Variants in SPAG16 observed in about 807,000 individuals in gnomAD.
SPAG16 encodes sperm associated antigen 16.
SPAG16 carries 86 observed loss-of-function variants against 80.4 expected under a neutral mutation model. That is an observed-to-expected ratio of 1.07 (90% CI 0.90 to 1.28). SPAG16 has a LOEUF of 1.28. SPAG16 is among the 50% of genes most tolerant of loss of function. SPAG16 has a pLI of 0.00. For synonymous variants in SPAG16, 294 were observed against 265.9 expected (o/e 1.11, Z -1.03); for missense variants, 870 against 765.3 (o/e 1.14, Z -1.61).
At chr2:213,724,041 C>T (rs193112062) in intron 10 of SPAG16, among the ~76,000 whole-genome samples, 3 of 152,256 alleles carry the variant, frequency 2.0e-5, no homozygotes, top group East Asian at 1.9e-4. Flanking sequence ...CTCCCCAGAC[C>T]CATTAAATTT....
chr2:214,023,136 T>C (rs1480065106), intron 13 of SPAG16, among the ~76,000 whole-genome samples: 2 of 151,998 alleles, frequency 1.3e-5, no homozygotes, highest in African/African-American at 2.4e-5. Flanking sequence ...TCTCTGGGTA[T>C]CTCTGTAGCT....
At chr2:213,869,108 C>T (rs1356756635) in intron 11 of SPAG16, among the ~76,000 whole-genome samples, 2 of 150,968 alleles carry the variant, frequency 1.3e-5, no homozygotes, top group Non-Finnish European at 3.0e-5. Flanking sequence ...CAAAAATTAG[C>T]CGGGTGTAGT....
intron 8 of SPAG16, among the ~76,000 whole-genome samples, chr2:213,366,832 CA>C (rs1178689032): frequency 3.3e-5 from 5 of 151,924 alleles, no homozygotes; most frequent in Admixed American, 2.6e-4. Context: ...TACAGGTGCA[CA>C]ACATACAGGT....
chr2:214,293,015 T>G (rs1297994826), intron 15 of SPAG16, among the ~76,000 whole-genome samples: 1 of 152,210 alleles, frequency 6.6e-6, no homozygotes, highest in Non-Finnish European at 1.5e-5. Context: ...GGATGCTGGA[T>G]AGTCCAGTCT....
chr2:213,727,425 C>G (rs1210466800), intron 10 of SPAG16, among the ~76,000 whole-genome samples: 1 of 151,856 alleles, frequency 6.6e-6, no homozygotes, highest in Non-Finnish European at 1.5e-5. Flanking sequence ...GGTTTGAGTG[C>G]TTGATATCAA....
At chr2:214,393,199 C>T (rs963560889) in intron 15 of SPAG16, among the ~76,000 whole-genome samples, 3 of 152,144 alleles carry the variant, frequency 2.0e-5, no homozygotes, top group Admixed American at 6.5e-5. Flanking sequence ...TTAGATTAAA[C>T]ATATTTTCGT....
chr2:213,997,208 T>G (rs1211765479), intron 12 of SPAG16, among the ~76,000 whole-genome samples: 1 of 152,212 alleles, frequency 6.6e-6, no homozygotes, highest in Non-Finnish European at 1.5e-5. Flanking sequence ...CCTTTGCTTA[T>G]AGTTGTTATA....
At chr2:214,018,419 T>A (rs1053324320) in intron 13 of SPAG16, among the ~76,000 whole-genome samples, 1 of 152,160 alleles carries the variant, frequency 6.6e-6, no homozygotes. Context: ...CAAGTTAAAA[T>A]AAATTTACAT....
chr2:213,991,778 C>A (rs958847155), intron 12 of SPAG16, among the ~76,000 whole-genome samples: 1 of 152,132 alleles, frequency 6.6e-6, no homozygotes, highest in Non-Finnish European at 1.5e-5. Context: ...ACACACTGAG[C>A]TGTAAGAAGA....
intron 10 of SPAG16, among the ~76,000 whole-genome samples, chr2:213,620,799 A>G (rs1479155206): frequency 1.3e-5 from 2 of 152,120 alleles, no homozygotes; most frequent in African/African-American, 4.8e-5. Context: ...TTATGCTTTT[A>G]TTGTCAAATG....
At chr2:214,266,950 T>C (rs1243934456) in intron 15 of SPAG16, among the ~76,000 whole-genome samples, 1 of 151,746 alleles carries the variant, frequency 6.6e-6, no homozygotes, top group East Asian at 1.9e-4. Context: ...CACAAATAAA[T>C]GGAAAGATAC....
rs535941232 is a variant in SPAG16 at position 214,019,512 on chromosome 2, C to T, written c.1527+5435C>T. ...CACTTGTCCAGCTTACAGCATTCTC[C>T]TGACTTAGCTTTGGCCAAAAGATCC... is the stretch of plus-strand genomic sequence containing the variant. On this transcript the variant is annotated intron_variant, in intron 13 of 15. Coordinates refer to ENST00000331683, the MANE Select transcript of SPAG16 (RefSeq NM_024532.5). 5.9e-5 allele frequency among the ~76,000 whole-genome samples: 9 copies of T among 152,238 alleles called. No individual in the cohort carries two copies. The South Asian group carries it at 1.9e-3, about 32-fold the overall frequency.
intron 10 of SPAG16, among the ~76,000 whole-genome samples, chr2:213,787,205 C>T (rs149944964): frequency 4.6e-5 from 7 of 152,036 alleles, no homozygotes; most frequent in African/African-American, 1.2e-4. Flanking sequence ...ATCCTGCACA[C>T]GTACCCTGGA....
intron 3 of SPAG16, among the ~76,000 whole-genome samples, chr2:213,303,133 A>G (rs1185353411): frequency 6.6e-6 from 1 of 152,076 alleles, no homozygotes; most frequent in Non-Finnish European, 1.5e-5. Flanking sequence ...GCACACTGCA[A>G]AGACTTGAAG....
chr2:214,059,186 C>CGATATATATATATATATATATA (rs2050102081), intron 13 of SPAG16, among the ~76,000 whole-genome samples: 1 of 114,390 alleles, frequency 8.7e-6, no homozygotes, highest in African/African-American at 3.5e-5. Context: ...CTCTCTCTGT[C>CGATATATATATATATATATATA]TATATATATA....
chr2:214,022,185 G>T (rs138264277), intron 13 of SPAG16, among the ~76,000 whole-genome samples: 2 of 151,386 alleles, frequency 1.3e-5, no homozygotes, highest in Non-Finnish European at 2.9e-5. Flanking sequence ...CTAACATTTC[G>T]TGTAATTACT....
At chr2:213,774,582 T>C (rs1210036847) in intron 10 of SPAG16, among the ~76,000 whole-genome samples, 1 of 152,150 alleles carries the variant, frequency 6.6e-6, no homozygotes, top group Non-Finnish European at 1.5e-5. Flanking sequence ...TTAATGGGGG[T>C]TAGGATTTCA....
At chr2:213,667,999 T>C (rs1285263969) in intron 10 of SPAG16, among the ~76,000 whole-genome samples, 1 of 151,898 alleles carries the variant, frequency 6.6e-6, no homozygotes, top group Non-Finnish European at 1.5e-5. Flanking sequence ...CAGGCTGGAG[T>C]GCATGATCTC....
At chr2:213,962,171 C>T (rs938947343) in intron 12 of SPAG16, among the ~76,000 whole-genome samples, 1 of 151,410 alleles carries the variant, frequency 6.6e-6, no homozygotes, top group African/African-American at 2.4e-5. Flanking sequence ...AGCCCTAATC[C>T]AATAGAACTG....
Sources: gnomAD v4.1 joint callset for allele counts (sites outside exome capture counted in the v4.1 genomes callset) on GRCh38, gnomAD v4.1.1 for gene constraint, MANE v1.5 for transcripts, NCBI Gene and HGNC (gene_info 2026-07-23, HGNC 2026-07-21) for gene names.